Variants in ATG9B observed in about 807,000 individuals in gnomAD.
ATG9B encodes the protein autophagy-related protein 9B.
In ATG9B, 92 loss-of-function variants were observed where a neutral mutation model predicts 92.9. The observed-to-expected ratio is 0.99, with a 90% CI of 0.84 to 1.18. The LOEUF is 1.18. ATG9B is among the 50% of genes most tolerant of loss of function. ATG9B has a pLI of 0.00. For missense variants in ATG9B, 1,344 were observed against 1,235.0 expected (o/e 1.09, Z -1.32); for synonymous variants, 599 against 551.4 (o/e 1.09, Z -1.21).
At chr7:151,013,277 C>G, downstream of ATG9B, 1 of 1,614,040 alleles carries the variant, frequency 6.2e-7, no homozygotes, top group Non-Finnish European at 8.5e-7. Context: ...GCCGATGCTC[C>G]CAACTTGACC....
intron 3 of ATG9B, 107 bp downstream of exon 3, chr7:151,023,338 C>G: frequency 6.3e-7 from 1 of 1,596,740 alleles, no homozygotes; most frequent in Non-Finnish European, 8.6e-7. Context: ...TTGGGCTGCT[C>G]GGGAAAGCAT....
intron 2 of ATG9B, 22 bp downstream of exon 2, chr7:151,023,665 G>A (rs757243163): frequency 6.2e-7 from 1 of 1,613,716 alleles, no homozygotes. Context: ...TGCCACCTCT[G>A]CAGGCCTAGC....
At position 151,018,675 on chromosome 7, in the gene ATG9B, C is replaced by T. The variant is rs746259840; in HGVS notation, c.1663G>A (p.Val555Met). The T allele has an allele frequency of 1.9e-6, 3 of 1,606,008 alleles. No individual in the cohort carries two copies. Among genetic ancestry groups the T allele is most frequent in the African/African-American group, 1.3e-5 (1 of 74,462 alleles). ...LTVYDEDVLA[V>M]EHVLTAMTAL... ...GTCATGGCGGTGAGCACGTGCTCCA[C>T]GGCTAGCACGTCCTCGTCGTAGACG... The change falls in exon 6 of 14, where the codon GTG becomes ATG. Residue 555 changes from valine (V) to methionine (M), a missense_variant. Transcript: ENST00000639579. This position sits in a 1 kb window ranked among gnomAD's most constrained non-coding sequence, Gnocchi z 4.7.
In ATG9B at chr7:151,023,900, A is replaced by G. The variant is rs990411103; in HGVS notation, c.524T>C (p.Leu175Pro). 3 of 1,608,608 alleles carry G rather than the reference A, an allele frequency of 1.9e-6. No individual in the cohort carries two copies. Among genetic ancestry groups the G allele is most frequent in the Non-Finnish European group, 1.7e-6 (2 of 1,177,922 alleles). ...SPIHGEEQQPLLHVPEGLRGS... is the reference protein window; with the variant it reads ...SPIHGEEQQPPLHVPEGLRGS... Reference sequence around the variant, plus strand: ...TCGGAGCCCTTCAGGGACATGAAGCAGGGGTTGCTGCTCCTCCCCGTGGAT... The same window carrying G: ...TCGGAGCCCTTCAGGGACATGAAGCGGGGGTTGCTGCTCCTCCCCGTGGAT... Residue 175 changes from leucine (L) to proline (P), a missense_variant, in exon 1 of 14, where the codon CTG (leucine) becomes CCG (proline). By Grantham distance (98) the Leu-to-Pro change is moderately conservative (BLOSUM62 -3). Coordinates refer to ENST00000639579, the MANE Select transcript of ATG9B (RefSeq NM_001317056.2).
chr7:151,015,679 C>T lies in ATG9B; in HGVS notation c.*49G>A. ...GACTCCTTGTGTTTTTCTACTCCACCCTCCAATCTCCTGTGGCTGCCGAAG... is the reference window on the plus strand; with the variant it reads ...GACTCCTTGTGTTTTTCTACTCCACTCTCCAATCTCCTGTGGCTGCCGAAG... On this transcript the variant is annotated 3_prime_UTR_variant, in exon 14 of 14. Coordinates refer to ENST00000639579, the MANE Select transcript of ATG9B (RefSeq NM_001317056.2). The T allele has an allele frequency of 3.4e-6, 2 of 584,428 alleles. No homozygotes were observed. The highest frequency in any genetic ancestry group is 4.9e-4 in the Middle Eastern group (1 of 2,044). The allele number at this position is 584,428 out of a possible 1,614,324, so 36.2% of individuals were successfully genotyped here. A position where few individuals can be genotyped will look rare whatever the true frequency, so the allele number is the denominator to read the frequency against.
chr7:151,024,448 T>A lies in ATG9B; in HGVS notation c.-25A>T. Reference sequence around the variant, plus strand: ...TCAGGCCACGGCTTCTCCAGAAAGGTTGGAAGGATGGGAGCTGTTGTTGCT... The same window carrying A: ...TCAGGCCACGGCTTCTCCAGAAAGGATGGAAGGATGGGAGCTGTTGTTGCT... On this transcript the variant is annotated 5_prime_UTR_variant, in exon 1 of 14. Coordinates refer to ENST00000639579, the MANE Select transcript of ATG9B (RefSeq NM_001317056.2). 7.6e-7 allele frequency: 1 copy of A among 1,314,492 alleles called. No homozygotes were observed. Among genetic ancestry groups the A allele is most frequent in the South Asian group, 2.8e-5 (1 of 36,140 alleles). 81.4% of individuals were successfully genotyped at this position (1,314,492 alleles called of 1,614,324 possible).
In ATG9B at chr7:151,023,518, G is replaced by A. The variant is rs375994798; in HGVS notation, c.595-9C>T. The A allele has an allele frequency of 2.5e-5, 41 of 1,612,474 alleles. No individual in the cohort carries two copies. The highest frequency in any genetic ancestry group is 1.6e-4 in the Middle Eastern group (1 of 6,082). On this transcript the variant is annotated splice_polypyrimidine_tract_variant and intron_variant, in intron 2 of 13. Coordinates refer to ENST00000639579, the MANE Select transcript of ATG9B (RefSeq NM_001317056.2). Reference sequence around the variant, plus strand: ...TGGTGGTAGCTGTAGATGTGGCTGCGTGTCAAGGAACAAGCCTGAGGCACG... The same window carrying A: ...TGGTGGTAGCTGTAGATGTGGCTGCATGTCAAGGAACAAGCCTGAGGCACG...
chr7:151,014,506 A>T (rs983759152), downstream of ATG9B: 4 of 309,080 alleles, frequency 1.3e-5, no homozygotes, highest in African/African-American at 2.1e-5. Context: ...CTAATCTCTA[A>T]ATCAAGTATT....
Position 151,016,834 on chromosome 7 carries a change from G to A in ATG9B, c.2290-13C>T. The A allele has an allele frequency of 6.3e-7, 1 of 1,591,956 alleles. No individual in the cohort carries two copies. The highest frequency in any genetic ancestry group is 8.6e-7 in the Non-Finnish European group (1 of 1,167,842). On this transcript the variant is annotated splice_polypyrimidine_tract_variant and intron_variant, in intron 9 of 13. Transcript: ENST00000639579. Reference sequence around the variant, plus strand: ...GGAAGGCCTCAGGCTGGGTGCAAGAGGAGAGGGAAAGCCAAAGAGGGAGTC... The same window carrying A: ...GGAAGGCCTCAGGCTGGGTGCAAGAAGAGAGGGAAAGCCAAAGAGGGAGTC...
downstream of ATG9B, chr7:151,013,491 C>A: frequency 7.3e-7 from 1 of 1,365,412 alleles, no homozygotes. Context: ...CCCACGACCA[C>A]TCAGCCACCC....
rs2117176118 is a variant in ATG9B, at chr7:151,023,033, G to T, written c.821+12C>A. ...TGCTTCACCCCCAGGGCCCCACCAG[G>T]TTGTCACTAACCTCTCAGCACACTG... On this transcript the variant is annotated intron_variant, in intron 4 of 13. Coordinates refer to ENST00000639579, the MANE Select transcript of ATG9B (RefSeq NM_001317056.2). The T allele has an allele frequency of 6.2e-7, 1 of 1,614,024 alleles. No individual in the cohort carries two copies. Among genetic ancestry groups the T allele is most frequent in the South Asian group, 1.1e-5 (1 of 91,080 alleles).
At position 151,017,136 on chromosome 7, in the gene ATG9B, T is replaced by A. The variant is rs774938521; in HGVS notation, c.2189A>T (p.His730Leu). The A allele has an allele frequency of 6.2e-7, 1 of 1,612,696 alleles. No homozygotes were observed. The highest frequency in any genetic ancestry group is 1.7e-5 in the Admixed American group (1 of 59,922). The change falls in exon 9 of 14, where the codon CAC (histidine) becomes CTC (leucine). Residue 730 changes from histidine (H) to leucine (L), a missense_variant. Coordinates refer to ENST00000639579, the MANE Select transcript of ATG9B (RefSeq NM_001317056.2). ...PPGHSSKFLGHLWGRVQQDAA... is the reference protein window; with the variant it reads ...PPGHSSKFLGLLWGRVQQDAA... ...ATCTTGTTGTACTCGGCCCCAGAGG[T>A]GCCCAAGAAACTTAGAGCTGTGCCC...
rs572219239 is a variant in ATG9B, at chr7:151,024,171, G to T, written c.253C>A (p.Gln85Lys). 1.9e-5 allele frequency: 30 copies of T among 1,555,678 alleles called. No homozygotes were observed. The highest frequency in any genetic ancestry group is 1.8e-4 in the Middle Eastern group (1 of 5,556). Residue 85 changes from glutamine to lysine, a missense_variant, in exon 1 of 14, where the codon CAG becomes AAG. Transcript: ENST00000639579. ...ATAGGGAGAGCACTGTGGCAAGACT[G>T]AGAAGCCCCTGTCCCCTGTAGCACT... Reference protein sequence around the residue: ...CSVLQGTGASQSCHSALPIPA... With the variant: ...CSVLQGTGASKSCHSALPIPA...
In ATG9B at chr7:151,023,081, G is replaced by C; in HGVS notation, c.785C>G (p.Ser262Ter). Residue 262 changes from serine (S) to a stop codon, truncating the protein, a stop_gained, in exon 4 of 14, where the codon TCA becomes TGA. Transcript: ENST00000639579. LOFTEE classifies it high-confidence loss of function. ...CTGGGCTGAGGGTAGGATGGCATCT[G>C]ACAGGGTCACTTTGCTGTGGAACGG... ...PGPFHSKVTL[S>*]DAILPSAQCA... The C allele has an allele frequency of 6.2e-7, 1 of 1,614,168 alleles. No individual in the cohort carries two copies. The highest frequency in any genetic ancestry group is 8.5e-7 in the Non-Finnish European group (1 of 1,180,024).
rs762813314 is a variant in ATG9B at position 151,016,472 on chromosome 7, C to A, written c.2479G>T (p.Ala827Ser). The A allele has an allele frequency of 2.4e-5, 38 of 1,551,406 alleles. 2 individuals carry two copies. The Admixed American group carries it at 4.7e-4, about 19-fold the overall frequency. Reference protein sequence around the residue: ...GQKLAQLPELASAEMSLHVIY... With the variant: ...GQKLAQLPELSSAEMSLHVIY... ...ACATGGAGACTCATCTCGGCAGAAG[C>A]AAGTTCTGGGAGCTGGGCCAGCTTC... is the stretch of plus-strand genomic sequence containing the variant. The change falls in exon 11 of 14, where the codon GCT becomes TCT. Residue 827 changes from alanine to serine, a missense_variant. By Grantham distance (99) the Ala-to-Ser change is moderately conservative. Coordinates refer to ENST00000639579, the MANE Select transcript of ATG9B (RefSeq NM_001317056.2).
Position 151,018,355 on chromosome 7 carries a change from G to A in ATG9B, c.1811C>T (p.Pro604Leu), listed in dbSNP as rs1469368774. The A allele has an allele frequency of 6.3e-7, 1 of 1,598,922 alleles. No homozygotes were observed. The highest frequency in any genetic ancestry group is 8.5e-7 in the Non-Finnish European group (1 of 1,174,340). Residue 604 changes from proline (P) to leucine (L), a missense_variant, in exon 7 of 14, where the codon CCC becomes CTC. Coordinates refer to ENST00000639579, the MANE Select transcript of ATG9B (RefSeq NM_001317056.2). The surrounding 1 kb of genome is among the most constrained non-coding windows in gnomAD (Gnocchi z 4.7). ...LAHMHYLPEE[P>L]GPGGRDRAYR... The stretch of plus-strand genomic sequence containing the variant: ...GGCGCGGTCCCTGCCGCCGGGGCCG[G>A]GCTCCTCCGGGAGGTAGTGCATGTG...
At chr7:151,021,614 A>G (rs1277353705) in intron 4 of ATG9B, among the ~76,000 whole-genome samples, 1 of 151,890 alleles carries the variant, frequency 6.6e-6, no homozygotes, top group Admixed American at 6.5e-5. Flanking sequence ...AACATGTCAC[A>G]TCACACTGAC....
rs376268198 is a variant in ATG9B at position 151,018,083 on chromosome 7, C to A, written c.1873-33G>T. 4.0e-5 allele frequency: 62 copies of A among 1,543,600 alleles called. No homozygotes were observed. Among genetic ancestry groups the A allele is most frequent in the Non-Finnish European group, 4.7e-5 (54 of 1,144,170 alleles). ...AGCAGCGGTGAGGCTGAGCAGGGGT[C>A]GCTGAGGGGCCCACGCGCGTTATCA... On this transcript the variant is annotated intron_variant, in intron 7 of 13. Transcript: ENST00000639579. This position sits in a 1 kb window ranked among gnomAD's most constrained non-coding sequence, Gnocchi z 4.7.
At chr7:151,020,331 T>TCTTCC (rs1167626865) in intron 5 of ATG9B, 1 of 152,720 alleles carries the variant, frequency 6.5e-6, no homozygotes, top group African/African-American at 2.4e-5. Context: ...CATCCCAGTG[T>TCTTCC]CTTCCCTTCC....
Sources: allele counts gnomAD v4.1 joint callset (sites outside exome capture counted in the v4.1 genomes callset), GRCh38; gene constraint gnomAD v4.1.1; non-coding constraint Gnocchi (gnomAD v3.1); transcripts MANE v1.5; gene names NCBI Gene and HGNC (gene_info 2026-07-23, HGNC 2026-07-21).